Variants in CNTN4 observed in about 807,000 individuals in gnomAD.
The protein encoded by CNTN4 is contactin 4.
CNTN4 carries 77 observed loss-of-function variants against 122.5 expected under a neutral mutation model. That is an observed-to-expected ratio of 0.63 (90% CI 0.52 to 0.76). CNTN4 has a LOEUF of 0.76. Among genes scored for constraint, CNTN4 ranks in the 30% least tolerant of loss-of-function variants. The pLI, the probability that CNTN4 is intolerant of heterozygous loss-of-function variation, is 0.00. For missense variants in CNTN4, 1,256 were observed against 1,259.1 expected, an observed-to-expected ratio of 1.00 and a Z score of 0.04; for synonymous variants, 512 against 447.0, an observed-to-expected ratio of 1.15 and a Z score of -1.83.
chr3:2,585,656 A>G (rs2080161563), intron 4 of CNTN4, among the ~76,000 whole-genome samples: 1 of 134,096 alleles, frequency 7.5e-6, no homozygotes, highest in Non-Finnish European at 1.6e-5. Flanking sequence ...ACATGGACAC[A>G]GGAAGGGGAA....
chr3:2,937,352 C>G (rs1009307956), intron 13 of CNTN4, among the ~76,000 whole-genome samples: 2 of 152,052 alleles, frequency 1.3e-5, no homozygotes, highest in Non-Finnish European at 2.9e-5. Flanking sequence ...GAAATCAGAG[C>G]CCAAGGGAGC....
intron 3 of CNTN4, among the ~76,000 whole-genome samples, chr3:2,494,111 A>C (rs1410932190): frequency 6.6e-6 from 1 of 152,058 alleles, no homozygotes; most frequent in Non-Finnish European, 1.5e-5. Flanking sequence ...TATTGAACCA[A>C]TTATTGATGA....
chr3:2,822,279 T>G (rs11711089), intron 7 of CNTN4, among the ~76,000 whole-genome samples: 36,164 of 152,210 alleles, frequency 0.24, 5,202 homozygotes, highest in East Asian at 0.5. Context: ...TATTTGATAC[T>G]GGGAAAATAT....
intron 4 of CNTN4, among the ~76,000 whole-genome samples, chr3:2,620,797 T>C (rs2081961298): frequency 6.6e-6 from 1 of 152,158 alleles, no homozygotes; most frequent in Admixed American, 6.5e-5. Context: ...TCCTGTGTAA[T>C]TATTCTTCCT....
At chr3:2,988,514 C>T (rs1694783328) in intron 14 of CNTN4, 42 bp downstream of exon 14, 1 of 1,605,370 alleles carries the variant, frequency 6.2e-7, no homozygotes. Flanking sequence ...ATATATGTGT[C>T]CTCGTGTCTA....
At chr3:3,037,130 T>A in intron 17 of CNTN4, 49 bp from the exon 18 acceptor site, 2 of 1,602,524 alleles carry the variant, frequency 1.2e-6, no homozygotes, top group Non-Finnish European at 1.7e-6. Context: ...TCTCTGCATT[T>A]GTTTTCTGAG....
intron 24 of CNTN4, among the ~76,000 whole-genome samples, chr3:3,054,543 T>G (rs1701604596): frequency 6.6e-6 from 1 of 152,236 alleles, no homozygotes; most frequent in Admixed American, 6.5e-5. Context: ...AGCAAATACA[T>G]TCAATTCTGT....
chr3:2,592,840 T>A (rs1207684203), intron 4 of CNTN4, among the ~76,000 whole-genome samples: 1 of 152,222 alleles, frequency 6.6e-6, no homozygotes, highest in Non-Finnish European at 1.5e-5. Flanking sequence ...ATTTAAAGTT[T>A]TCACAGCCTT....
At chr3:2,904,565 A>G (rs1271889259) in intron 12 of CNTN4, among the ~76,000 whole-genome samples, 1 of 152,184 alleles carries the variant, frequency 6.6e-6, no homozygotes, top group Non-Finnish European at 1.5e-5. Flanking sequence ...GGCTAGGCCT[A>G]CTGGAATCCT....
chr3:2,805,069 TG>T (rs1265480050), intron 6 of CNTN4, among the ~76,000 whole-genome samples: 1 of 151,772 alleles, frequency 6.6e-6, no homozygotes, highest in Non-Finnish European at 1.5e-5. Flanking sequence ...CCCAGCTACT[TG>T]GGAGGCTGAG....
intron 10 of CNTN4, among the ~76,000 whole-genome samples, chr3:2,894,162 C>T (rs1294115442): frequency 1.3e-5 from 2 of 152,078 alleles, no homozygotes; most frequent in Non-Finnish European, 2.9e-5. Flanking sequence ...AAAGTGCATT[C>T]TCCTATATAC....
chr3:2,634,684 A>AT (rs1559330532), intron 4 of CNTN4, among the ~76,000 whole-genome samples: 26 of 135,634 alleles, frequency 1.9e-4, no homozygotes, highest in Non-Finnish European at 3.1e-4. Context: ...CAGAAAAAAA[A>AT]AAAATATATA....
At chr3:2,869,856 A>G (rs1026695852) in intron 8 of CNTN4, among the ~76,000 whole-genome samples, 2 of 152,252 alleles carry the variant, frequency 1.3e-5, no homozygotes, top group Non-Finnish European at 2.9e-5. Flanking sequence ...TAAGTAAGGT[A>G]CTAGCTCTGT....
intron 6 of CNTN4, among the ~76,000 whole-genome samples, chr3:2,768,484 AGCACAGTCTT>A (rs1368886118): frequency 6.6e-6 from 1 of 152,234 alleles, no homozygotes; most frequent in Non-Finnish European, 1.5e-5. Context: ...CTAGATTTGT[AGCACAGTCTT>A]GTTCAGCTTG....
intron 2 of CNTN4, among the ~76,000 whole-genome samples, chr3:2,254,952 T>G (rs553551118): frequency 1.2e-3 from 183 of 152,326 alleles, no homozygotes; most frequent in Non-Finnish European, 2.2e-3. Context: ...AGTCATGAAG[T>G]CTTTGCCCAT....
intron 12 of CNTN4, among the ~76,000 whole-genome samples, chr3:2,908,879 A>G (rs1024183420): frequency 6.6e-6 from 1 of 152,174 alleles, no homozygotes; most frequent in Non-Finnish European, 1.5e-5. Flanking sequence ...CTAATGGTTC[A>G]GTATCCCGGG....
At chr3:2,695,813 G>T (rs1293122547) in intron 4 of CNTN4, among the ~76,000 whole-genome samples, 1 of 152,106 alleles carries the variant, frequency 6.6e-6, no homozygotes, top group Non-Finnish European at 1.5e-5. Context: ...TTTTAGAAGT[G>T]TCACCAGAGT....
At chr3:2,368,872 T>C (rs1414435026) in intron 3 of CNTN4, among the ~76,000 whole-genome samples, 1 of 152,162 alleles carries the variant, frequency 6.6e-6, no homozygotes, top group East Asian at 1.9e-4. Flanking sequence ...AATTAAACTT[T>C]CATTGTGTGT....
At chr3:2,858,342 G>C (rs191480320) in intron 7 of CNTN4, among the ~76,000 whole-genome samples, 1 of 152,270 alleles carries the variant, frequency 6.6e-6, no homozygotes, top group Admixed American at 6.5e-5. Flanking sequence ...ACTCAAATTT[G>C]AGAACCACTT....
Sources: gnomAD v4.1 joint callset for allele counts (sites outside exome capture counted in the v4.1 genomes callset) on GRCh38, gnomAD v4.1.1 for gene constraint, MANE v1.5 for transcripts, NCBI Gene and HGNC (gene_info 2026-07-23, HGNC 2026-07-21) for gene names.